Variants in TP53BP1 observed in about 807,000 individuals in gnomAD.
TP53BP1 encodes TP53-binding protein 1.
TP53BP1 carries 61 observed loss-of-function variants against 200.8 expected under a neutral mutation model. That is an observed-to-expected ratio of 0.30 (90% CI 0.25 to 0.38). The LOEUF is 0.38. TP53BP1 is among the 10% of genes least tolerant of loss of function. The pLI is 1.00. For synonymous variants in TP53BP1, 822 were observed against 844.3 expected (o/e 0.97, Z 0.46); for missense variants, 2,144 against 2,371.9 (o/e 0.90, Z 2.00).
rs769264392 is a variant in TP53BP1 at position 43,456,065 on chromosome 15, G to T, written c.2543C>A (p.Pro848His). The T allele has an allele frequency of 2.5e-6, 4 of 1,614,158 alleles. No homozygotes were observed. In the Admixed American group the frequency reaches 6.7e-5, roughly 27 times the overall value. The change falls in exon 12 of 28, where the codon CCT becomes CAT. Residue 848 changes from proline (P) to histidine (H), a missense_variant. Physicochemically the swap from Pro to His is moderately conservative, Grantham distance 77. Transcript: ENST00000382044. ...CTGCAACTCCTGGTCAAGTCTTAAA[G>T]GATCATCTGCTCTCACTAAAGGTAA... ...PSLPLVRADDPLRLDQELQQP... is the reference protein window; with the variant it reads ...PSLPLVRADDHLRLDQELQQP...
chr15:43,424,398 C>T (rs933528672), intron 18 of TP53BP1, among the ~76,000 whole-genome samples: 3 of 152,234 alleles, frequency 2.0e-5, no homozygotes, highest in African/African-American at 4.8e-5. Flanking sequence ...TCTCTACCTT[C>T]CCCATTCCTA....
At chr15:43,461,536 T>C (rs768585596) in intron 11 of TP53BP1, among the ~76,000 whole-genome samples, 1 of 152,164 alleles carries the variant, frequency 6.6e-6, no homozygotes, top group Non-Finnish European at 1.5e-5. Context: ...AATTTTTAAA[T>C]TGTGATCTAT....
intron 7 of TP53BP1, 123 bp from the exon 8 acceptor site, chr15:43,477,882 A>C (rs879900488): frequency 1.4e-5 from 9 of 663,736 alleles, no homozygotes; most frequent in African/African-American, 1.8e-5. Context: ...TCTAATTTAC[A>C]TAATTATATA....
At chr15:43,421,463 T>C (rs1250895504) in intron 19 of TP53BP1, among the ~76,000 whole-genome samples, 1 of 152,172 alleles carries the variant, frequency 6.6e-6, no homozygotes, top group African/African-American at 2.4e-5. Flanking sequence ...CTCCTCTACT[T>C]TAGGCTCTGG....
intron 4 of TP53BP1, among the ~76,000 whole-genome samples, chr15:43,484,549 A>G (rs1356112870): frequency 6.6e-6 from 1 of 152,034 alleles, no homozygotes; most frequent in African/African-American, 2.4e-5. Context: ...AATTCCTCAC[A>G]ATGCCTTACA....
At chr15:43,431,706 C>T (rs1595546273) in intron 17 of TP53BP1, among the ~76,000 whole-genome samples, 2 of 152,320 alleles carry the variant, frequency 1.3e-5, no homozygotes, top group Non-Finnish European at 2.9e-5. Context: ...TTTTCCCCAT[C>T]TCTCTCTCTA....
chr15:43,446,783 A>G, intron 13 of TP53BP1, 193 bp from the exon 14 acceptor site: 1 of 1,510,008 alleles, frequency 6.6e-7, no homozygotes, highest in Non-Finnish European at 8.9e-7. Flanking sequence ...TAAGAGGAGC[A>G]ACAGGATTCA....
intron 21 of TP53BP1, among the ~76,000 whole-genome samples, chr15:43,417,826 A>G (rs1247859508): frequency 2.0e-5 from 3 of 152,342 alleles, no homozygotes; most frequent in African/African-American, 7.2e-5. Flanking sequence ...AACAAAGGGC[A>G]AACAACAATT....
In TP53BP1 at chr15:43,407,613, C is replaced by G. The variant is rs780659090; in HGVS notation, c.5747-43G>C. Reference sequence around the variant, plus strand: ...AAGTGAAGAAGGAAAGGACACTCAACTTAGCCCTCCATTAGAAAGAGAGAT... The same window carrying G: ...AAGTGAAGAAGGAAAGGACACTCAAGTTAGCCCTCCATTAGAAAGAGAGAT... On this transcript the variant is annotated intron_variant, in intron 27 of 27. Coordinates refer to ENST00000382044, the MANE Select transcript of TP53BP1 (RefSeq NM_001141980.3). The G allele has an allele frequency of 3.2e-6, 5 of 1,555,960 alleles. No homozygotes were observed. The East Asian group carries it at 1.1e-4, about 35-fold the overall frequency.
chr15:43,480,501 A>G (rs1342021248), intron 5 of TP53BP1, among the ~76,000 whole-genome samples: 1 of 152,180 alleles, frequency 6.6e-6, no homozygotes, highest in African/African-American at 2.4e-5. Flanking sequence ...ATGAAGGGGG[A>G]AAATGTGTAA....
intron 15 of TP53BP1, 112 bp downstream of exon 15, chr15:43,441,414 A>T: frequency 1.3e-6 from 1 of 755,174 alleles, no homozygotes; most frequent in Non-Finnish European, 2.4e-6. Flanking sequence ...CCTTTATGAA[A>T]GAGTCTCATT....
At position 43,408,030 on chromosome 15, in the gene TP53BP1, G is replaced by A; in HGVS notation, c.5659C>T (p.Gln1887Ter). 3 of 1,614,130 alleles carry A rather than the reference G, an allele frequency of 1.9e-6. No homozygotes were observed. The highest frequency in any genetic ancestry group is 2.5e-6 in the Non-Finnish European group (3 of 1,179,994). The change falls in exon 27 of 28, where the codon CAG (glutamine) becomes TAG (stop). Residue 1887 changes from glutamine (Q) to a stop codon, truncating the protein, a stop_gained. Transcript: ENST00000382044. LOFTEE classifies it high-confidence loss of function. ...TCAGACCAGAGCTCCAGGAAGTTCT[G>A]CTGTTGGTCTGATACCAAGAGTACC... ...LKVLLVSDQQ[Q>*]NFLELWSEIL... is the part of the protein sequence containing the mutation.
intron 12 of TP53BP1, among the ~76,000 whole-genome samples, chr15:43,449,696 C>A (rs2046124415): frequency 6.6e-6 from 1 of 152,202 alleles, no homozygotes; most frequent in African/African-American, 2.4e-5. Context: ...CCCATTCTTT[C>A]TGCACACTTT....
chr15:43,443,101 CA>C (rs1390238032), intron 14 of TP53BP1, among the ~76,000 whole-genome samples: 4 of 151,968 alleles, frequency 2.6e-5, no homozygotes, highest in African/African-American at 4.8e-5. Context: ...GCTGGGATTA[CA>C]GGCATGAGCC....
At chr15:43,437,378 T>A (rs2045823103) in intron 16 of TP53BP1, among the ~76,000 whole-genome samples, 1 of 152,146 alleles carries the variant, frequency 6.6e-6, no homozygotes, top group South Asian at 2.1e-4. Context: ...CACACTTGTA[T>A]TCCTAACACT....
intron 23 of TP53BP1, among the ~76,000 whole-genome samples, chr15:43,414,920 C>T (rs1177177162): frequency 6.6e-6 from 1 of 151,962 alleles, no homozygotes; most frequent in African/African-American, 2.4e-5. Flanking sequence ...GTTGGCCAGG[C>T]TGGTCTTGAA....
chr15:43,455,475 C>T (rs1224017124), intron 12 of TP53BP1, among the ~76,000 whole-genome samples: 1 of 152,176 alleles, frequency 6.6e-6, no homozygotes. Context: ...AATCCCAGCA[C>T]TTTGGAAGGC....
intron 14 of TP53BP1, among the ~76,000 whole-genome samples, chr15:43,442,437 A>G (rs1239333334): frequency 2.0e-5 from 3 of 151,330 alleles, no homozygotes; most frequent in South Asian, 2.1e-4. Context: ...CCACCAATCA[A>G]TTTTCTTTCA....
intron 11 of TP53BP1, among the ~76,000 whole-genome samples, chr15:43,459,744 G>A (rs1468430587): frequency 6.6e-6 from 1 of 151,616 alleles, no homozygotes; most frequent in Non-Finnish European, 1.5e-5. Context: ...ACAGCTCACT[G>A]CAGCCTCAAT....
Sources: allele counts gnomAD v4.1 joint callset (sites outside exome capture counted in the v4.1 genomes callset), GRCh38; gene constraint gnomAD v4.1.1; transcripts MANE v1.5; gene names NCBI Gene and HGNC (gene_info 2026-07-23, HGNC 2026-07-21).